PCDHA12: variants seen among roughly 807,000 people sequenced by gnomAD.
PCDHA12 encodes the protein protocadherin alpha 12.
In PCDHA12, 44 loss-of-function variants were observed where a neutral mutation model predicts 60.0. That is an observed-to-expected ratio of 0.73 (90% CI 0.58 to 0.94). PCDHA12 has a LOEUF of 0.94. Ranked by LOEUF, PCDHA12 falls within the 40% of genes least tolerant of loss-of-function variation. PCDHA12 has a pLI of 0.00. For synonymous variants in PCDHA12, 569 were observed against 553.0 expected (o/e 1.03, Z -0.40); for missense variants, 1,276 against 1,239.7 (o/e 1.03, Z -0.44).
intron 1 of PCDHA12, among the ~76,000 whole-genome samples, chr5:140,973,202 T>C (rs1266876355): frequency 3.3e-5 from 5 of 152,244 alleles, no homozygotes; most frequent in African/African-American, 1.2e-4. Flanking sequence ...TATGTGTGCA[T>C]ATTCACCCTA....
chr5:140,884,750 A>G, intron 1 of PCDHA12: 1 of 1,431,238 alleles, frequency 7.0e-7, no homozygotes, highest in Non-Finnish European at 9.2e-7. Flanking sequence ...TGCCAATTTC[A>G]AATTATTCTT....
chr5:140,926,929 G>T, intron 1 of PCDHA12: 2 of 1,575,722 alleles, frequency 1.3e-6, no homozygotes, highest in South Asian at 2.3e-5. Flanking sequence ...ATGTTTGTGG[G>T]TTTCCTGCGG....
intron 1 of PCDHA12, among the ~76,000 whole-genome samples, chr5:140,934,826 A>C (rs556197038): frequency 1.1e-4 from 17 of 152,294 alleles, no homozygotes; most frequent in South Asian, 1.0e-3. Context: ...TAACTTTGGC[A>C]AGTTGGGAAC....
At chr5:140,884,907 C>T (rs1263861482) in intron 1 of PCDHA12, among the ~76,000 whole-genome samples, 2 of 152,148 alleles carry the variant, frequency 1.3e-5, no homozygotes, top group Non-Finnish European at 2.9e-5. Flanking sequence ...CTGTTGTATT[C>T]TTAATAGTTC....
chr5:140,973,388 G>T (rs1192097180), intron 1 of PCDHA12, among the ~76,000 whole-genome samples: 4 of 152,202 alleles, frequency 2.6e-5, no homozygotes, highest in South Asian at 4.1e-4. Flanking sequence ...AATAGACAAA[G>T]AAATCATATC....
intron 1 of PCDHA12, chr5:140,967,680 GGCAGCTCTTCA>G: frequency 6.2e-7 from 1 of 1,614,228 alleles, no homozygotes; most frequent in East Asian, 2.2e-5. Flanking sequence ...GACCGGGAGA[GGCAGCTCTTCA>G]GCATAGATGC....
intron 2 of PCDHA12, among the ~76,000 whole-genome samples, chr5:140,981,928 T>A (rs141616160): frequency 6.6e-6 from 1 of 152,202 alleles, no homozygotes; most frequent in African/African-American, 2.4e-5. Context: ...GTTTCTCTAG[T>A]CTCAGGAAAT....
chr5:140,926,891 G>A, intron 1 of PCDHA12: 9 of 1,545,914 alleles, frequency 5.8e-6, no homozygotes, highest in Non-Finnish European at 7.9e-6. Context: ...CCTAGAGGGA[G>A]GATGGTGGGC....
rs979836328 is a variant in PCDHA12 at position 140,877,736 on chromosome 5, G to A, written c.2264G>A (p.Arg755Lys). ...AGTTGGTCTTACTCGCAGCAGAGGA[G>A]GCAGAGGGTGTGCTCTGCAGAGAGC... ...VGSWSYSQQR[R>K]QRVCSAESPP... The change falls in exon 1 of 4, where the codon AGG becomes AAG. Residue 755 changes from arginine (R) to lysine (K), a missense_variant. Arg to Lys is a conservative substitution (Grantham distance 26). Coordinates refer to ENST00000398631, the MANE Select transcript of PCDHA12 (RefSeq NM_018903.4). 1.4e-5 allele frequency: 22 copies of A among 1,614,170 alleles called. No homozygotes were observed. The highest frequency in any genetic ancestry group is 2.2e-5 in the East Asian group (1 of 44,878).
At chr5:140,942,638 A>T (rs1478847405) in intron 1 of PCDHA12, among the ~76,000 whole-genome samples, 1 of 152,122 alleles carries the variant, frequency 6.6e-6, no homozygotes, top group Non-Finnish European at 1.5e-5. Context: ...AAATGGCAAA[A>T]GAGATCTCAT....
chr5:141,002,090 A>G (rs1554258504), intron 3 of PCDHA12, among the ~76,000 whole-genome samples: 1 of 152,254 alleles, frequency 6.6e-6, no homozygotes, highest in Non-Finnish European at 1.5e-5. Context: ...CGAGCAGTCC[A>G]GGGGCTGGGC....
chr5:140,902,859 A>G (rs964505072), intron 1 of PCDHA12, among the ~76,000 whole-genome samples: 18 of 152,208 alleles, frequency 1.2e-4, no homozygotes, highest in African/African-American at 4.3e-4. Context: ...AATGGCGTCC[A>G]GGTCCACCCA....
intron 2 of PCDHA12, among the ~76,000 whole-genome samples, chr5:140,980,478 A>G (rs1186753725): frequency 2.6e-5 from 4 of 152,172 alleles, no homozygotes; most frequent in African/African-American, 4.8e-5. Context: ...AAAAATACAA[A>G]AATTAGCTGG....
At chr5:140,967,626 G>T in intron 1 of PCDHA12, 2 of 1,614,138 alleles carry the variant, frequency 1.2e-6, no homozygotes, top group Non-Finnish European at 1.7e-6. Flanking sequence ...CCGGATGAGG[G>T]CTCCAATGGT....
chr5:140,959,038 A>ATG (rs1387162159), intron 1 of PCDHA12, among the ~76,000 whole-genome samples: 2 of 151,994 alleles, frequency 1.3e-5, no homozygotes, highest in Non-Finnish European at 2.9e-5. Flanking sequence ...ATGGGTATGT[A>ATG]TGTATAGGAA....
At chr5:140,889,027 C>A (rs1004891593) in intron 1 of PCDHA12, among the ~76,000 whole-genome samples, 5 of 151,910 alleles carry the variant, frequency 3.3e-5, no homozygotes, top group African/African-American at 1.2e-4. Context: ...CCTTGGATAA[C>A]CGTAATTTGA....
intron 1 of PCDHA12, among the ~76,000 whole-genome samples, chr5:140,909,091 C>T: frequency 6.6e-6 from 1 of 152,220 alleles, no homozygotes; most frequent in Non-Finnish European, 1.5e-5. Flanking sequence ...TGCTACTTCT[C>T]ACTCACTGGG....
intron 1 of PCDHA12, among the ~76,000 whole-genome samples, chr5:140,972,693 C>A (rs1358194667): frequency 2.3e-5 from 3 of 130,312 alleles, no homozygotes; most frequent in East Asian, 4.7e-4. Flanking sequence ...GAGATGGAGT[C>A]TCACTCTGTT....
intron 3 of PCDHA12, among the ~76,000 whole-genome samples, chr5:141,007,801 G>A (rs559830556): frequency 2.6e-5 from 4 of 152,148 alleles, no homozygotes; most frequent in African/African-American, 7.2e-5. Flanking sequence ...GCCTTTATCT[G>A]CCATTCATTT....
Sources: gnomAD v4.1 joint callset for allele counts (sites outside exome capture counted in the v4.1 genomes callset) on GRCh38, gnomAD v4.1.1 for gene constraint, MANE v1.5 for transcripts, NCBI Gene and HGNC (gene_info 2026-07-23, HGNC 2026-07-21) for gene names.